The following ASB3 variants were observed in gnomAD, a reference collection of about 807,000 sequenced individuals.
ASB3 encodes the protein ankyrin repeat and SOCS box containing 3, also known as ankyrin repeat and SOCS box protein 3.
In ASB3, 41 loss-of-function variants were observed where a neutral mutation model predicts 54.5. The observed-to-expected ratio is 0.75, with a 90% confidence interval of 0.59 to 0.98. ASB3 has a LOEUF of 0.98. Among genes scored for constraint, ASB3 ranks in the 50% least tolerant of loss-of-function variants. ASB3 has a pLI of 0.00. For missense variants in ASB3, 733 were observed against 620.0 expected (o/e 1.18, Z -1.94); for synonymous variants, 266 against 221.2 (o/e 1.20, Z -1.80).
intron 2 of ASB3, among the ~76,000 whole-genome samples, chr2:53,758,690 G>A (rs748555778): frequency 7.9e-5 from 12 of 152,132 alleles, no homozygotes; most frequent in South Asian, 2.1e-4. Flanking sequence ...TAACTAATCC[G>A]ATAAGCAGAG....
chr2:53,734,675 TG>T (rs1205308191), intron 3 of ASB3, among the ~76,000 whole-genome samples: 1 of 152,210 alleles, frequency 6.6e-6, no homozygotes, highest in East Asian at 1.9e-4. Flanking sequence ...TCAAATTCAA[TG>T]GCCTTTTCTC....
intron 2 of ASB3, among the ~76,000 whole-genome samples, chr2:53,755,783 A>C (rs1558562095): frequency 1.3e-5 from 2 of 152,250 alleles, no homozygotes. Flanking sequence ...CACTGTTAAG[A>C]AAAGTGACGA....
intron 9 of ASB3, among the ~76,000 whole-genome samples, chr2:53,679,008 T>C (rs1199333791): frequency 6.6e-6 from 1 of 152,096 alleles, no homozygotes; most frequent in Non-Finnish European, 1.5e-5. Context: ...TTTAACATCA[T>C]GGAGACCTCA....
chr2:53,697,167 C>T (rs4671529), intron 8 of ASB3, among the ~76,000 whole-genome samples: 77,658 of 152,010 alleles, frequency 0.51, 19,939 homozygotes, highest in East Asian at 0.62. Flanking sequence ...AACGCATTAG[C>T]ATGCTAGAAG....
chr2:53,765,907 G>A (rs1179378629), intron 1 of ASB3, among the ~76,000 whole-genome samples: 6 of 103,102 alleles, frequency 5.8e-5, no homozygotes, highest in Admixed American at 5.1e-4. Context: ...GCATTCTTTG[G>A]TGCTCCATTG....
chr2:53,758,715 G>A (rs1481419350), intron 2 of ASB3, among the ~76,000 whole-genome samples: 1 of 152,140 alleles, frequency 6.6e-6, no homozygotes, highest in Non-Finnish European at 1.5e-5. Context: ...ATGGGTAGTT[G>A]TACACCCTGG....
At chr2:53,746,019 T>TC (rs1440674037) in intron 3 of ASB3, among the ~76,000 whole-genome samples, 1 of 152,170 alleles carries the variant, frequency 6.6e-6, no homozygotes. Flanking sequence ...AAAAAGATTG[T>TC]CCAAGTGCAG....
chr2:53,737,969 T>C (rs905602094), intron 3 of ASB3, among the ~76,000 whole-genome samples: 33 of 152,020 alleles, frequency 2.2e-4, no homozygotes, highest in African/African-American at 8.0e-4. Flanking sequence ...AGACAAGAAA[T>C]AGATAAATCC....
chr2:53,693,052 A>G (rs1668999892), intron 9 of ASB3, among the ~76,000 whole-genome samples: 1 of 152,202 alleles, frequency 6.6e-6, no homozygotes, highest in Non-Finnish European at 1.5e-5. Flanking sequence ...ACACATTTCT[A>G]CATATGAATA....
intron 7 of ASB3, among the ~76,000 whole-genome samples, chr2:53,708,110 G>A (rs986965463): frequency 2.0e-5 from 3 of 152,302 alleles, no homozygotes; most frequent in Middle Eastern, 3.4e-3. Flanking sequence ...AGTGTTGAAG[G>A]TGGGGCTTGG....
intron 3 of ASB3, among the ~76,000 whole-genome samples, chr2:53,735,485 T>TAAAAAAAAAAAAAAAAAAAAAAAA (rs11414333): frequency 7.7e-6 from 1 of 130,058 alleles, no homozygotes; most frequent in Non-Finnish European, 1.7e-5. Context: ...AGCAAAGATC[T>TAAAAAAAAAAAAAAAAAAAAAAAA]AAAAAAAAAA....
intron 6 of ASB3, among the ~76,000 whole-genome samples, chr2:53,715,617 T>A (rs1453272375): frequency 6.6e-6 from 1 of 152,170 alleles, no homozygotes; most frequent in Non-Finnish European, 1.5e-5. Flanking sequence ...AAATATCAAA[T>A]TTTTAAATCT....
intron 9 of ASB3, among the ~76,000 whole-genome samples, chr2:53,673,945 T>C (rs1417262439): frequency 6.6e-6 from 1 of 151,938 alleles, no homozygotes. Flanking sequence ...ACACAGACAA[T>C]AATATGCCTG....
At chr2:53,753,651 TG>T (rs961566908) in intron 2 of ASB3, among the ~76,000 whole-genome samples, 2 of 143,806 alleles carry the variant, frequency 1.4e-5, no homozygotes, top group African/African-American at 5.2e-5. Context: ...TCTTTCTTTC[TG>T]TTTTTTTTTT....
rs373655274 is a variant in ASB3 at position 53,774,556 on chromosome 2, C to T, written c.-13-8971G>A. The stretch of plus-strand genomic sequence containing the variant: ...TCTTCAGAGAATTAACTTCAGTGCA[C>T]AATGACAATATGATTTGGAAATACG... On this transcript the variant is annotated intron_variant, in intron 1 of 9. Transcript: ENST00000263634. 4.7e-5 allele frequency: 68 copies of T among 1,436,386 alleles called. No individual in the cohort carries two copies. In the African/African-American group the frequency reaches 9.0e-4, roughly 19 times the overall value. The allele number at this position is 1,436,386 out of a possible 1,614,324, so 89.0% of individuals were successfully genotyped here. A position where few individuals can be genotyped will look rare whatever the true frequency, so the allele number is the denominator to read the frequency against.
intron 3 of ASB3, among the ~76,000 whole-genome samples, chr2:53,746,302 A>G (rs1328906661): frequency 6.6e-6 from 1 of 152,058 alleles, no homozygotes; most frequent in East Asian, 1.9e-4. Flanking sequence ...ATCAAAAAAT[A>G]AAAAAAGGTA....
intron 2 of ASB3, among the ~76,000 whole-genome samples, chr2:53,762,005 G>C (rs753860170): frequency 1.3e-5 from 2 of 152,214 alleles, no homozygotes; most frequent in African/African-American, 4.8e-5. Context: ...TCACTCAAGA[G>C]AGCAGAAGAG....
rs570820193 is a variant in ASB3 at position 53,670,213 on chromosome 2, A to G, written c.*290T>C. On this transcript the variant is annotated 3_prime_UTR_variant, in exon 10 of 10. Coordinates refer to ENST00000263634, the MANE Select transcript of ASB3 (RefSeq NM_016115.5). ...CAAAATAAAGCAGAAAATGATCAAAATGATCAGGTAAATAAATATTACAAC... is the reference window on the plus strand; with the variant it reads ...CAAAATAAAGCAGAAAATGATCAAAGTGATCAGGTAAATAAATATTACAAC... The G allele has an allele frequency of 4.3e-6, 1 of 229,906 alleles. No individual in the cohort carries two copies. The highest frequency in any genetic ancestry group is 1.1e-4 in the East Asian group (1 of 9,350). The allele number at this position is 229,906 out of a possible 1,614,324, so 14.2% of individuals were successfully genotyped here.
intron 2 of ASB3, among the ~76,000 whole-genome samples, chr2:53,760,523 A>G (rs1673083225): frequency 6.6e-6 from 1 of 152,228 alleles, no homozygotes; most frequent in African/African-American, 2.4e-5. Context: ...ACCAAGGCCC[A>G]GTACTCAGCA....
Sources: gnomAD v4.1 joint callset for allele counts (sites outside exome capture counted in the v4.1 genomes callset) on GRCh38, gnomAD v4.1.1 for gene constraint, MANE v1.5 for transcripts, NCBI Gene and HGNC (gene_info 2026-07-23, HGNC 2026-07-21) for gene names.